Variants in MAN1A1 observed in about 807,000 individuals in gnomAD.
The protein encoded by MAN1A1 is mannosidase alpha class 1A member 1.
In MAN1A1, 29 loss-of-function variants were observed where a neutral mutation model predicts 70.8. The ratio of observed to expected loss-of-function variants is 0.41; its 90% CI spans 0.31 to 0.56. The LOEUF (loss-of-function observed/expected upper bound fraction) is 0.56. Among genes scored for constraint, MAN1A1 ranks in the 20% least tolerant of loss-of-function variants. The probability of loss-of-function intolerance (pLI) is 0.29; values close to 1 mark genes in which losing one functional copy is unlikely to be tolerated. For missense variants in MAN1A1, 747 were observed against 841.3 expected, an observed-to-expected ratio of 0.89 and a Z score of 1.39; for synonymous variants, 349 against 330.1, an observed-to-expected ratio of 1.06 and a Z score of -0.62.
intron 2 of MAN1A1, among the ~76,000 whole-genome samples, chr6:119,330,876 C>T (rs958157314): frequency 6.6e-6 from 1 of 152,078 alleles, no homozygotes; most frequent in African/African-American, 2.4e-5. Context: ...GAGTTATGTT[C>T]TACTCCAGGT....
At chr6:119,191,776 C>T (rs1773448218) in intron 9 of MAN1A1, among the ~76,000 whole-genome samples, 1 of 152,160 alleles carries the variant, frequency 6.6e-6, no homozygotes, top group South Asian at 2.1e-4. Context: ...GGATTAAATG[C>T]TTCCCAAAAT....
At chr6:119,328,519 T>C (rs1056274887) in intron 2 of MAN1A1, among the ~76,000 whole-genome samples, 21 of 151,032 alleles carry the variant, frequency 1.4e-4, no homozygotes, top group Non-Finnish European at 1.2e-4. Context: ...AAGTAGTAAG[T>C]AGGTTAAAAC....
chr6:119,262,393 C>T (rs886912592), intron 5 of MAN1A1, among the ~76,000 whole-genome samples: 2 of 151,618 alleles, frequency 1.3e-5, no homozygotes, highest in Non-Finnish European at 2.9e-5. Flanking sequence ...CAACATGGAT[C>T]TTTAAGGAAA....
intron 5 of MAN1A1, among the ~76,000 whole-genome samples, chr6:119,250,483 A>G (rs1386650697): frequency 1.3e-5 from 2 of 152,236 alleles, no homozygotes; most frequent in Non-Finnish European, 2.9e-5. Flanking sequence ...GAAAGAAATA[A>G]TAAGTTATTA....
At chr6:119,209,276 G>T (rs905689229) in intron 6 of MAN1A1, among the ~76,000 whole-genome samples, 9 of 152,060 alleles carry the variant, frequency 5.9e-5, no homozygotes, top group African/African-American at 2.2e-4. Context: ...GTCTTGATTA[G>T]CTATGACTTT....
intron 2 of MAN1A1, among the ~76,000 whole-genome samples, chr6:119,307,722 G>T (rs897744977): frequency 1.3e-5 from 2 of 152,016 alleles, no homozygotes; most frequent in African/African-American, 4.8e-5. Flanking sequence ...ATGACTCAAA[G>T]AACACATATA....
intron 2 of MAN1A1, among the ~76,000 whole-genome samples, chr6:119,323,290 T>C (rs1773064883): frequency 6.6e-6 from 1 of 152,220 alleles, no homozygotes; most frequent in East Asian, 1.9e-4. Context: ...TGTAATACAA[T>C]GACCCAAAAA....
chr6:119,235,684 A>C (rs989493568), intron 6 of MAN1A1, among the ~76,000 whole-genome samples: 2 of 152,216 alleles, frequency 1.3e-5, no homozygotes, highest in Admixed American at 1.3e-4. Flanking sequence ...TAGATGAAAC[A>C]GCCTTCTGCT....
At chr6:119,232,075 T>C (rs1194286224) in intron 6 of MAN1A1, among the ~76,000 whole-genome samples, 1 of 152,062 alleles carries the variant, frequency 6.6e-6, no homozygotes, top group Non-Finnish European at 1.5e-5. Context: ...TGGAAAACTT[T>C]TAAAAATAAC....
rs190584898 is a variant in MAN1A1 at position 119,320,162 on chromosome 6, C to T, written c.604-13170G>A. ...CTAATTTTTGTATTTTTAGTACAGA[C>T]GAGGTTTCACTATGTTGGCCAGGCT... is the stretch of plus-strand genomic sequence containing the variant. On this transcript the variant is annotated intron_variant, in intron 2 of 12. Transcript: ENST00000368468. Among the ~76,000 whole-genome samples, 18 of 152,198 alleles carry T rather than the reference C, an allele frequency of 1.2e-4. No homozygotes were observed. The East Asian group carries it at 2.3e-3, about 20-fold the overall frequency.
intron 6 of MAN1A1, among the ~76,000 whole-genome samples, chr6:119,229,813 G>T (rs1161556930): frequency 6.6e-6 from 1 of 151,724 alleles, no homozygotes; most frequent in Non-Finnish European, 1.5e-5. Flanking sequence ...TCAGTTTTTT[G>T]GTAACTGGAC....
intron 11 of MAN1A1, among the ~76,000 whole-genome samples, chr6:119,180,637 C>G (rs760658312): frequency 6.6e-6 from 1 of 152,034 alleles, no homozygotes; most frequent in African/African-American, 2.4e-5. Flanking sequence ...CTCAGCCTCC[C>G]AAGTAGCTGG....
intron 4 of MAN1A1, among the ~76,000 whole-genome samples, chr6:119,298,389 G>GAA (rs1247664345): frequency 6.6e-6 from 1 of 152,062 alleles, no homozygotes; most frequent in Non-Finnish European, 1.5e-5. Context: ...AAAAGGAAAT[G>GAA]AGTTTTAGTT....
At chr6:119,300,745 C>A (rs1014426751) in intron 4 of MAN1A1, among the ~76,000 whole-genome samples, 1 of 152,132 alleles carries the variant, frequency 6.6e-6, no homozygotes, top group African/African-American at 2.4e-5. Flanking sequence ...GGGTTTAACA[C>A]ATTGATCCCC....
chr6:119,303,063 G>A (rs1376526898), intron 3 of MAN1A1, among the ~76,000 whole-genome samples: 2 of 152,102 alleles, frequency 1.3e-5, no homozygotes, highest in Non-Finnish European at 2.9e-5. Context: ...CTGTCCCCCA[G>A]GGTGGAGTAC....
At chr6:119,319,197 T>A (rs1286752987) in intron 2 of MAN1A1, among the ~76,000 whole-genome samples, 1 of 152,084 alleles carries the variant, frequency 6.6e-6, no homozygotes, top group Admixed American at 6.6e-5. Context: ...TATGCCTGTA[T>A]CATTACCACC....
At position 119,231,847 on chromosome 6, in the gene MAN1A1, T is replaced by A. The variant is rs186060495; in HGVS notation, c.992+16413A>T. On this transcript the variant is annotated intron_variant, in intron 6 of 12. Coordinates refer to ENST00000368468, the MANE Select transcript of MAN1A1 (RefSeq NM_005907.4). ...TTCTAACAAAACATGTTTAAAAGAA[T>A]TCAGGTTCTATAATCCTAGCTTTCA... 2.0e-3 allele frequency among the ~76,000 whole-genome samples: 299 copies of A among 152,336 alleles called. 2 individuals carry two copies. Among genetic ancestry groups the A allele is most frequent in the African/African-American group, 7.0e-3 (290 of 41,578 alleles).
intron 2 of MAN1A1, among the ~76,000 whole-genome samples, chr6:119,346,637 T>C (rs1385548114): frequency 6.6e-6 from 1 of 152,228 alleles, no homozygotes; most frequent in African/African-American, 2.4e-5. Flanking sequence ...ACTGTTAATA[T>C]GTTGTCCTGA....
intron 2 of MAN1A1, among the ~76,000 whole-genome samples, chr6:119,334,641 A>C (rs1773405625): frequency 6.6e-6 from 1 of 152,228 alleles, no homozygotes; most frequent in Admixed American, 6.5e-5. Flanking sequence ...TCAGTTTTCC[A>C]TTTCACTCTT....
Sources: allele counts gnomAD v4.1 joint callset (sites outside exome capture counted in the v4.1 genomes callset), GRCh38; gene constraint gnomAD v4.1.1; transcripts MANE v1.5; gene names NCBI Gene and HGNC (gene_info 2026-07-23, HGNC 2026-07-21).